GRM5: variants seen among roughly 807,000 people sequenced by gnomAD.
GRM5 encodes metabotropic glutamate receptor 5.
GRM5 carries 19 observed loss-of-function variants against 83.1 expected under a neutral mutation model. The ratio of observed to expected loss-of-function variants is 0.23; its 90% confidence interval spans 0.16 to 0.34. The LOEUF is 0.34. Among genes scored for constraint, GRM5 ranks in the 10% least tolerant of loss-of-function variants. The pLI is 1.00. For synonymous variants in GRM5, 675 were observed against 633.6 expected, an observed-to-expected ratio of 1.07 and a Z score of -0.98; for missense variants, 1,160 against 1,588.3, an observed-to-expected ratio of 0.73 and a Z score of 4.58.
Position 88,521,607 on chromosome 11 carries a change from T to C in GRM5, c.2726+3702A>G, listed in dbSNP as rs190485932. ...AGAGCCACCTCCCTGTTTAGGACTC[T>C]CTTTTACTTCTCCTGCAATCAGGAG... On this transcript the variant is annotated intron_variant, in intron 9 of 9. Coordinates refer to ENST00000305447, the MANE Select transcript of GRM5 (RefSeq NM_001143831.3). Among the ~76,000 whole-genome samples, 133 of 152,290 alleles carry C rather than the reference T, an allele frequency of 8.7e-4. 1 individual carries two copies. The highest frequency in any genetic ancestry group is 3.0e-3 in the African/African-American group (125 of 41,562).
rs559612475 is a variant in GRM5 at position 88,765,465 on chromosome 11, T to G, written c.911+84441A>C. Among the ~76,000 whole-genome samples the G allele has an allele frequency of 2.7e-5, 4 of 147,168 alleles. No individual in the cohort carries two copies. The Admixed American group carries it at 2.7e-4, about 10-fold the overall frequency. On this transcript the variant is annotated intron_variant, in intron 3 of 9. Transcript: ENST00000305447. Reference sequence around the variant, plus strand: ...CAATTTAAAACTTACTACAAAGCCATAGTAATCGTAACAGTGTGGTTTTAG... The same window carrying G: ...CAATTTAAAACTTACTACAAAGCCAGAGTAATCGTAACAGTGTGGTTTTAG...
chr11:88,649,481 TTATATATTACA>T (rs917750174), intron 4 of GRM5, among the ~76,000 whole-genome samples: 1 of 144,618 alleles, frequency 6.9e-6, no homozygotes, highest in Non-Finnish European at 1.5e-5. Context: ...TATATATAAT[TTATATATTACA>T]TATATATTAT....
rs545013511 is a variant in GRM5 at position 88,535,081 on chromosome 11, C to T, written c.2631-9677G>A. ...CTTTCTTTTGTAAATTGCACAGTCT[C>T]GGGTATGTCTTTATCAGCAGCATGA... On this transcript the variant is annotated intron_variant, in intron 8 of 9. Transcript: ENST00000305447. Among the ~76,000 whole-genome samples, 28 of 152,202 alleles carry T rather than the reference C, an allele frequency of 1.8e-4. No individual in the cohort carries two copies. The East Asian group carries it at 5.2e-3, about 28-fold the overall frequency.
chr11:88,869,340 T>C (rs544426429), intron 2 of GRM5, among the ~76,000 whole-genome samples: 1 of 151,654 alleles, frequency 6.6e-6, no homozygotes, highest in African/African-American at 2.4e-5. Context: ...AAAAAGGAAA[T>C]AATCATGGAT....
chr11:88,597,065 C>T (rs1410242352), intron 6 of GRM5, 119 bp downstream of exon 6: 2 of 595,034 alleles, frequency 3.4e-6, no homozygotes, highest in African/African-American at 1.9e-5. Context: ...GAATTTCTGA[C>T]ATTAGAAGCT....
rs768805888 is a variant in GRM5 at position 88,603,637 on chromosome 11, AG to A, written c.1394+1080del. Among the ~76,000 whole-genome samples the A allele has an allele frequency of 3.6e-3, 541 of 151,790 alleles. 2 individuals carry two copies. The highest frequency in any genetic ancestry group is 0.014 in the Middle Eastern group (4 of 288). ...ATATTCTTCAAGTCTCTGGAATAGA[AG>A]AAAAAAAACCTGGGTTTTCACTTGG... On this transcript the variant is annotated intron_variant, in intron 5 of 9. Coordinates refer to ENST00000305447, the MANE Select transcript of GRM5 (RefSeq NM_001143831.3).
At chr11:88,762,534 T>C (rs927301534) in intron 3 of GRM5, among the ~76,000 whole-genome samples, 2 of 151,858 alleles carry the variant, frequency 1.3e-5, no homozygotes, top group Non-Finnish European at 2.9e-5. Flanking sequence ...AAATAAAAGA[T>C]GCTGGCAAGG....
chr11:88,655,308 A>C (rs1939738548), intron 3 of GRM5, among the ~76,000 whole-genome samples: 1 of 152,000 alleles, frequency 6.6e-6, no homozygotes, highest in Non-Finnish European at 1.5e-5. Context: ...TGGAGGGTTT[A>C]TTATATCACT....
intron 3 of GRM5, among the ~76,000 whole-genome samples, chr11:88,723,141 G>T (rs759561887): frequency 1.5e-5 from 2 of 136,840 alleles, no homozygotes; most frequent in Non-Finnish European, 3.1e-5. Context: ...AGTCTTTTCA[G>T]ATTGGCTTTT....
chr11:88,994,093 C>CA (rs958239364), intron 2 of GRM5, among the ~76,000 whole-genome samples: 4 of 150,320 alleles, frequency 2.7e-5, no homozygotes, highest in Admixed American at 1.3e-4. Context: ...CCATCCCCCC[C>CA]AAAAAAAATA....
chr11:88,984,064 T>C (rs1565320492), intron 2 of GRM5, among the ~76,000 whole-genome samples: 1 of 152,222 alleles, frequency 6.6e-6, no homozygotes, highest in Non-Finnish European at 1.5e-5. Context: ...TTAAAGTTTA[T>C]AAAGTAAAAA....
chr11:88,943,631 G>T (rs1938183447), intron 2 of GRM5, among the ~76,000 whole-genome samples: 1 of 152,036 alleles, frequency 6.6e-6, no homozygotes, highest in Non-Finnish European at 1.5e-5. Flanking sequence ...TTGATGCCTT[G>T]TAGGACTTTA....
intron 2 of GRM5, among the ~76,000 whole-genome samples, chr11:88,937,812 T>C (rs2135660341): frequency 6.6e-6 from 1 of 151,830 alleles, no homozygotes; most frequent in African/African-American, 2.4e-5. Context: ...TACTAATACC[T>C]GTGAGCAAAG....
rs1032634998 is a variant in GRM5, at chr11:88,836,798, CAAAACAA to C, written c.911+13101_911+13107del. Among the ~76,000 whole-genome samples, 24 of 151,150 alleles carry C rather than the reference CAAAACAA, an allele frequency of 1.6e-4. No homozygotes were observed. In the East Asian group the frequency reaches 2.1e-3, roughly 13 times the overall value. Reference sequence around the variant, plus strand: ...TGATAGAGTGAGTGAGATTCTGTCTCAAAACAAAAAACAAAAAACAAAAACAAACAAA... The same window carrying C: ...TGATAGAGTGAGTGAGATTCTGTCTCAAAACAAAAAACAAAAACAAACAAA... On this transcript the variant is annotated intron_variant, in intron 3 of 9. Transcript: ENST00000305447.
intron 2 of GRM5, among the ~76,000 whole-genome samples, chr11:88,907,541 C>T (rs887680122): frequency 6.6e-6 from 1 of 152,296 alleles, no homozygotes; most frequent in Non-Finnish European, 1.5e-5. Context: ...ATTTGTATGA[C>T]TTTAAAATGT....
intron 4 of GRM5, among the ~76,000 whole-genome samples, chr11:88,641,479 C>G (rs569226108): frequency 6.6e-6 from 1 of 152,264 alleles, no homozygotes; most frequent in Admixed American, 6.5e-5. Flanking sequence ...TTAACTCATT[C>G]CTGCATCAAC....
chr11:88,580,758 A>C (rs886592946), intron 7 of GRM5, among the ~76,000 whole-genome samples: 3 of 152,250 alleles, frequency 2.0e-5, no homozygotes, highest in African/African-American at 7.2e-5. Flanking sequence ...TAGTTCAACA[A>C]ATAAAAATTG....
At chr11:88,549,656 A>G (rs1269747175) in intron 8 of GRM5, among the ~76,000 whole-genome samples, 6 of 151,980 alleles carry the variant, frequency 3.9e-5, no homozygotes, top group African/African-American at 1.4e-4. Context: ...GTTTGGAGGT[A>G]TAGTATGGCA....
intron 2 of GRM5, among the ~76,000 whole-genome samples, chr11:88,851,309 A>G (rs1266882710): frequency 6.6e-6 from 1 of 152,192 alleles, no homozygotes; most frequent in Admixed American, 6.6e-5. Context: ...AGAGGCTATT[A>G]CAAGATAACC....
Sources: gnomAD v4.1 joint callset for allele counts (sites outside exome capture counted in the v4.1 genomes callset) on GRCh38, gnomAD v4.1.1 for gene constraint, MANE v1.5 for transcripts, NCBI Gene and HGNC (gene_info 2026-07-23, HGNC 2026-07-21) for gene names.